RHBDL3: variants seen among roughly 807,000 people sequenced by gnomAD.
RHBDL3 encodes rhomboid like 3, also known as rhomboid-related protein 3.
Under a neutral mutation model 48.2 loss-of-function variants are expected in RHBDL3, and 28 were observed. That is an observed-to-expected ratio of 0.58 (90% CI 0.43 to 0.80). The LOEUF (loss-of-function observed/expected upper bound fraction) is 0.80. Ranked by LOEUF, RHBDL3 falls within the 30% of genes least tolerant of loss-of-function variation. RHBDL3 has a pLI of 0.00. For synonymous variants in RHBDL3, 208 were observed against 232.3 expected (o/e 0.90, Z 0.95); for missense variants, 464 against 542.7 (o/e 0.85, Z 1.44).
intron 2 of RHBDL3, among the ~76,000 whole-genome samples, chr17:32,282,132 A>G (rs771554963): frequency 3.0e-4 from 45 of 152,224 alleles, no homozygotes; most frequent in Non-Finnish European, 5.4e-4. Flanking sequence ...CTCAGCAAAT[A>G]TTAGGTGTTT....
intron 7 of RHBDL3, among the ~76,000 whole-genome samples, chr17:32,312,586 C>G (rs1439650337): frequency 6.6e-6 from 1 of 152,090 alleles, no homozygotes; most frequent in South Asian, 2.1e-4. Flanking sequence ...GGCGCAATAT[C>G]GTCTCACTGC....
chr17:32,309,319 G>A (rs563747173), intron 7 of RHBDL3, among the ~76,000 whole-genome samples: 1 of 151,918 alleles, frequency 6.6e-6, no homozygotes, highest in Non-Finnish European at 1.5e-5. Flanking sequence ...TTGGGAGGGC[G>A]AGGCAGGCGG....
chr17:32,273,729 G>GT (rs939217311), intron 2 of RHBDL3, among the ~76,000 whole-genome samples: 8 of 151,990 alleles, frequency 5.3e-5, no homozygotes, highest in Non-Finnish European at 1.2e-4. Context: ...AATAGAGTAG[G>GT]TTTTTTTGTT....
chr17:32,270,211 T>G (rs1450978463), intron 2 of RHBDL3, among the ~76,000 whole-genome samples: 7 of 143,794 alleles, frequency 4.9e-5, no homozygotes, highest in Non-Finnish European at 1.1e-4. Flanking sequence ...ACATGACACC[T>G]CTCAGAGTCC....
At chr17:32,284,621 T>C in intron 2 of RHBDL3, 38 bp from the exon 3 acceptor site, 1 of 1,605,390 alleles carries the variant, frequency 6.2e-7, no homozygotes, top group Non-Finnish European at 8.5e-7. Flanking sequence ...GAGGAGGTGG[T>C]GCCCTGCTGA....
At position 32,298,192 on chromosome 17, in the gene RHBDL3, G is replaced by C; in HGVS notation, c.769G>C (p.Gly257Arg). ...CCGAATTGGGCTTGTCTACGTGGCC[G>C]GTGTTGTGGCAGGTAGGCAGGTAGG... is the stretch of plus-strand genomic sequence containing the variant. ...ATRIGLVYVA[G>R]VVAGSLAVSV... is the part of the protein sequence containing the mutation. The change falls in exon 6 of 9, where the codon GGT becomes CGT. Residue 257 changes from glycine to arginine, a missense_variant. Coordinates refer to ENST00000269051, the MANE Select transcript of RHBDL3 (RefSeq NM_138328.3). The C allele has an allele frequency of 6.2e-7, 1 of 1,611,792 alleles. No individual in the cohort carries two copies. Among genetic ancestry groups the C allele is most frequent in the East Asian group, 2.2e-5 (1 of 44,844 alleles).
rs749331078 is a variant in RHBDL3 at position 32,267,907 on chromosome 17, G to T, written c.117G>T (p.Trp39Cys). Residue 39 changes from tryptophan to cysteine, a missense_variant, in exon 2 of 9, where the codon TGG becomes TGT. Trp to Cys is a radical substitution (Grantham distance 215). Transcript: ENST00000269051. ...ERLPAAPEDHWKVLFDQFDPG... is the reference protein window; with the variant it reads ...ERLPAAPEDHCKVLFDQFDPG... The stretch of plus-strand genomic sequence containing the variant: ...ATGGCCTCCCTCTCTGCCAGCACTG[G>T]AAAGTCCTGTTTGATCAGGTATGTG... The T allele has an allele frequency of 2.5e-6, 4 of 1,613,624 alleles. No individual in the cohort carries two copies. In the South Asian group the frequency reaches 4.4e-5, roughly 18 times the overall value.
intron 7 of RHBDL3, among the ~76,000 whole-genome samples, chr17:32,306,446 T>G (rs1414220285): frequency 6.6e-6 from 1 of 151,956 alleles, no homozygotes; most frequent in Non-Finnish European, 1.5e-5. Flanking sequence ...TGTTCCCCTA[T>G]CCCAGTCTGT....
At chr17:32,305,310 C>T (rs113792841) in intron 6 of RHBDL3, 31 bp from the exon 7 acceptor site, 4 of 1,519,722 alleles carry the variant, frequency 2.6e-6, no homozygotes, top group African/African-American at 2.7e-5. Flanking sequence ...GTCCCGCACT[C>T]CTGAGAATTC....
chr17:32,274,180 G>A (rs1381501806), intron 2 of RHBDL3, among the ~76,000 whole-genome samples: 1 of 152,202 alleles, frequency 6.6e-6, no homozygotes, highest in Non-Finnish European at 1.5e-5. Context: ...TTGGACAAAG[G>A]CTGCCTGGGG....
chr17:32,302,792 A>G (rs1015723902), intron 6 of RHBDL3, among the ~76,000 whole-genome samples: 1 of 152,124 alleles, frequency 6.6e-6, no homozygotes, highest in Non-Finnish European at 1.5e-5. Flanking sequence ...GCCAAGACTC[A>G]GGTCACTGAA....
At chr17:32,290,305 C>T (rs774140985) in intron 4 of RHBDL3, among the ~76,000 whole-genome samples, 2 of 152,290 alleles carry the variant, frequency 1.3e-5, no homozygotes, top group Middle Eastern at 3.4e-3. Flanking sequence ...CTCCTGGCCA[C>T]TCTGGAAGTC....
chr17:32,313,751 C>CTTTTTTTT (rs559422433), intron 7 of RHBDL3, among the ~76,000 whole-genome samples: 41 of 98,638 alleles, frequency 4.2e-4, no homozygotes, highest in Non-Finnish European at 6.1e-4. Context: ...AATTCCCTCC[C>CTTTTTTTT]TTTTTTTTTT....
intron 5 of RHBDL3, among the ~76,000 whole-genome samples, chr17:32,297,598 G>A (rs990426421): frequency 6.6e-6 from 1 of 150,700 alleles, no homozygotes; most frequent in African/African-American, 2.4e-5. Flanking sequence ...ACTGTGGCTG[G>A]TCACTATCTC....
Position 32,321,003 on chromosome 17 carries a change from CGGCCTAT to C in RHBDL3, c.990_996del (p.Ala331ProfsTer26). 1 of 1,613,962 alleles carries C rather than the reference CGGCCTAT, an allele frequency of 6.2e-7. No homozygotes were observed. The highest frequency in any genetic ancestry group is 1.1e-5 in the South Asian group (1 of 91,072). Reference sequence around the variant, plus strand: ...GCCGTGTGGCTCCGCTTCCACCCGTCGGCCTATCCCCCGTGCCCTCACCCAAGCTTTG... The same window carrying C: ...GCCGTGTGGCTCCGCTTCCACCCGTCCCCCCGTGCCCTCACCCAAGCTTTG... On this transcript the variant is annotated frameshift_variant, in exon 9 of 9. Transcript: ENST00000269051. LOFTEE classifies it high-confidence loss of function.
intron 7 of RHBDL3, among the ~76,000 whole-genome samples, chr17:32,309,905 G>A (rs928565965): frequency 1.0e-4 from 15 of 147,924 alleles, no homozygotes; most frequent in African/African-American, 2.0e-4. Flanking sequence ...TCAGCCCCCC[G>A]AGTAGCTGGG....
At chr17:32,281,253 ACAG>A (rs1243112921) in intron 2 of RHBDL3, among the ~76,000 whole-genome samples, 1 of 152,090 alleles carries the variant, frequency 6.6e-6, no homozygotes, top group Non-Finnish European at 1.5e-5. Context: ...CACTAGGACA[ACAG>A]CAGGGAGCAC....
At chr17:32,304,573 A>C (rs2040663880) in intron 6 of RHBDL3, among the ~76,000 whole-genome samples, 1 of 152,168 alleles carries the variant, frequency 6.6e-6, no homozygotes, top group Non-Finnish European at 1.5e-5. Flanking sequence ...TGTCTTGAGG[A>C]TTGAAGGGAA....
intron 1 of RHBDL3, among the ~76,000 whole-genome samples, chr17:32,266,566 C>T (rs2039636389): frequency 6.6e-6 from 1 of 152,170 alleles, no homozygotes; most frequent in Admixed American, 6.5e-5. Context: ...GCCGGAGCCC[C>T]CTCCCCGCCG....
Sources: gnomAD v4.1 joint callset for allele counts (sites outside exome capture counted in the v4.1 genomes callset) on GRCh38, gnomAD v4.1.1 for gene constraint, MANE v1.5 for transcripts, NCBI Gene and HGNC (gene_info 2026-07-23, HGNC 2026-07-21) for gene names.